EPHA3: variants seen among roughly 807,000 people sequenced by gnomAD.
The protein encoded by EPHA3 is EPH receptor A3.
In EPHA3, 42 loss-of-function variants were observed where a neutral mutation model predicts 107.1. The ratio of observed to expected loss-of-function variants is 0.39; its 90% CI spans 0.31 to 0.51. The LOEUF (loss-of-function observed/expected upper bound fraction) is 0.51, where lower values mean the gene tolerates loss of function less well. Among genes scored for constraint, EPHA3 ranks in the 20% least tolerant of loss-of-function variants. The probability of loss-of-function intolerance (pLI) is 0.78; values close to 1 mark genes in which losing one functional copy is unlikely to be tolerated. For missense variants in EPHA3, 1,183 were observed against 1,211.2 expected (o/e 0.98, Z 0.35); for synonymous variants, 461 against 424.8 (o/e 1.09, Z -1.05).
At chr3:89,178,778 G>T (rs1705373834) in intron 2 of EPHA3, among the ~76,000 whole-genome samples, 3 of 151,736 alleles carry the variant, frequency 2.0e-5, no homozygotes, top group African/African-American at 7.2e-5. Context: ...AGCCACAGAA[G>T]AAATTTATAT....
intron 1 of EPHA3, among the ~76,000 whole-genome samples, chr3:89,111,391 TG>T (rs1576155777): frequency 6.6e-6 from 1 of 152,110 alleles, no homozygotes; most frequent in Admixed American, 6.5e-5. Flanking sequence ...TAAGTTTTTT[TG>T]GTTTGGAAGA....
chr3:89,139,193 A>T (rs1293774440), intron 2 of EPHA3, among the ~76,000 whole-genome samples: 1 of 151,894 alleles, frequency 6.6e-6, no homozygotes, highest in Non-Finnish European at 1.5e-5. Flanking sequence ...GAAAGGAGAG[A>T]TGCAATGCAA....
chr3:89,426,608 C>A (rs1468446408), intron 11 of EPHA3, among the ~76,000 whole-genome samples: 3 of 151,724 alleles, frequency 2.0e-5, no homozygotes, highest in Non-Finnish European at 3.0e-5. Flanking sequence ...TTTCCCTTCC[C>A]AAACATCCCA....
At chr3:89,152,322 A>G (rs1289880378) in intron 2 of EPHA3, among the ~76,000 whole-genome samples, 2 of 152,056 alleles carry the variant, frequency 1.3e-5, no homozygotes, top group Admixed American at 1.3e-4. Context: ...TAAACCTAAA[A>G]CGACCTCCTC....
intron 15 of EPHA3, among the ~76,000 whole-genome samples, chr3:89,451,413 T>C (rs565287035): frequency 6.6e-6 from 1 of 152,312 alleles, no homozygotes; most frequent in Non-Finnish European, 1.5e-5. Flanking sequence ...TCTTGTTTAA[T>C]AATTTTGATT....
At chr3:89,220,250 C>T (rs1435916813) in intron 3 of EPHA3, among the ~76,000 whole-genome samples, 1 of 152,064 alleles carries the variant, frequency 6.6e-6, no homozygotes, top group Non-Finnish European at 1.5e-5. Flanking sequence ...TAGCAGAGCT[C>T]GAATTGGTAC....
intron 3 of EPHA3, among the ~76,000 whole-genome samples, chr3:89,231,459 A>G (rs1339786156): frequency 2.6e-5 from 4 of 152,128 alleles, no homozygotes; most frequent in Admixed American, 2.6e-4. Context: ...TTTGTTTGCT[A>G]TTTGCCTTTT....
intron 5 of EPHA3, among the ~76,000 whole-genome samples, chr3:89,391,304 G>A (rs1185717481): frequency 2.0e-5 from 3 of 152,036 alleles, no homozygotes; most frequent in African/African-American, 7.2e-5. Context: ...GAAGCTTCAT[G>A]GAGAATGGTC....
At chr3:89,111,556 G>A (rs1424082828) in intron 1 of EPHA3, among the ~76,000 whole-genome samples, 3 of 143,238 alleles carry the variant, frequency 2.1e-5, no homozygotes, top group African/African-American at 7.5e-5. Flanking sequence ...TTGCCTGAAG[G>A]TAGGAGAAAC....
chr3:89,180,647 C>T (rs1705422837), intron 2 of EPHA3, among the ~76,000 whole-genome samples: 1 of 151,954 alleles, frequency 6.6e-6, no homozygotes, highest in African/African-American at 2.4e-5. Flanking sequence ...GGTTTGCTTG[C>T]CTTGTGGTGC....
rs1443879247 is a variant in EPHA3 at position 89,331,116 on chromosome 3, TG to T, written c.815-9799del. ...TTGCCCCACATAGAGTGTGCAAGTGTGCAATGTATTTACATACGTTACATGT... is the reference window on the plus strand; with the variant it reads ...TTGCCCCACATAGAGTGTGCAAGTGTCAATGTATTTACATACGTTACATGT... On this transcript the variant is annotated intron_variant, in intron 3 of 16. Transcript: ENST00000336596. Among the ~76,000 whole-genome samples the T allele has an allele frequency of 2.0e-5, 3 of 152,184 alleles. No homozygotes were observed. The South Asian group carries it at 6.2e-4, about 32-fold the overall frequency.
intron 13 of EPHA3, among the ~76,000 whole-genome samples, chr3:89,434,735 A>G (rs919126838): frequency 3.3e-5 from 5 of 152,212 alleles, no homozygotes; most frequent in Admixed American, 2.6e-4. Context: ...AAAGTGTCGT[A>G]TGGAAATTGC....
chr3:89,209,910 C>T lies in EPHA3; in HGVS notation c.204C>T (p.Tyr68=). The part of the protein sequence containing the change: ...VDEHYTPIRT[Y]QVCNVMDHSQ... ...AACATTACACACCCATCAGGACTTACCAGGTGTGCAATGTCATGGACCACA... is the reference window on the plus strand; with the variant it reads ...AACATTACACACCCATCAGGACTTATCAGGTGTGCAATGTCATGGACCACA... The change falls in exon 3 of 17, where the codon TAC becomes TAT. Residue 68 remains tyrosine, a synonymous_variant. Coordinates refer to ENST00000336596, the MANE Select transcript of EPHA3 (RefSeq NM_005233.6). 8.1e-6 allele frequency: 13 copies of T among 1,613,186 alleles called. No individual in the cohort carries two copies. Among genetic ancestry groups the T allele is most frequent in the Non-Finnish European group, 1.1e-5 (13 of 1,179,584 alleles).
intron 3 of EPHA3, among the ~76,000 whole-genome samples, chr3:89,320,775 G>T (rs1299345217): frequency 6.6e-6 from 1 of 151,988 alleles, no homozygotes; most frequent in Non-Finnish European, 1.5e-5. Flanking sequence ...CTGAAAAATT[G>T]TTACTGAAAT....
intron 2 of EPHA3, among the ~76,000 whole-genome samples, chr3:89,207,641 T>C (rs1477814661): frequency 2.6e-5 from 4 of 152,188 alleles, no homozygotes; most frequent in Non-Finnish European, 4.4e-5. Flanking sequence ...AAGTGTTTAA[T>C]GTCTATTGTT....
intron 3 of EPHA3, among the ~76,000 whole-genome samples, chr3:89,324,685 T>C (rs1452225461): frequency 2.0e-5 from 3 of 152,130 alleles, no homozygotes; most frequent in Admixed American, 6.6e-5. Context: ...AACTTTTAGA[T>C]GTCATCCTAT....
chr3:89,351,701 A>G (rs1279487191), intron 5 of EPHA3, among the ~76,000 whole-genome samples: 3 of 151,242 alleles, frequency 2.0e-5, no homozygotes, highest in Non-Finnish European at 4.4e-5. Context: ...ACATAGTCTC[A>G]ATATATTTAT....
At chr3:89,241,187 CTT>C (rs1366558203) in intron 3 of EPHA3, among the ~76,000 whole-genome samples, 1 of 151,806 alleles carries the variant, frequency 6.6e-6, no homozygotes, top group Admixed American at 6.6e-5. Flanking sequence ...TATTTGATTT[CTT>C]TTTGTTTTTC....
chr3:89,366,828 A>T (rs750206952), intron 5 of EPHA3, among the ~76,000 whole-genome samples: 1 of 150,710 alleles, frequency 6.6e-6, no homozygotes, highest in Non-Finnish European at 1.5e-5. Flanking sequence ...GTTCATTAGT[A>T]TGTATTTTGT....
Sources: gnomAD v4.1 joint callset for allele counts (sites outside exome capture counted in the v4.1 genomes callset) on GRCh38, gnomAD v4.1.1 for gene constraint, MANE v1.5 for transcripts, NCBI Gene and HGNC (gene_info 2026-07-23, HGNC 2026-07-21) for gene names.